The following ZC3H7A variants were observed in gnomAD, a reference collection of about 807,000 sequenced individuals.
ZC3H7A encodes zinc finger CCCH domain-containing protein 7A.
In ZC3H7A, 44 loss-of-function variants were observed where a neutral mutation model predicts 125.5. The observed-to-expected ratio is 0.35, with a 90% CI of 0.28 to 0.45. The LOEUF is 0.45. Among genes scored for constraint, ZC3H7A ranks in the 20% least tolerant of loss-of-function variants. ZC3H7A has a pLI of 1.00. For missense variants in ZC3H7A, 977 were observed against 1,170.7 expected, an observed-to-expected ratio of 0.83 and a Z score of 2.41; for synonymous variants, 399 against 391.2, an observed-to-expected ratio of 1.02 and a Z score of -0.23.
Position 11,758,440 on chromosome 16 carries a change from C to G in ZC3H7A, c.2419G>C (p.Glu807Gln). The G allele has an allele frequency of 1.2e-6, 2 of 1,611,700 alleles. No homozygotes were observed. The highest frequency in any genetic ancestry group is 1.7e-6 in the Non-Finnish European group (2 of 1,177,828). The change falls in exon 20 of 23, where the codon GAG becomes CAG. Residue 807 changes from glutamate to glutamine, a missense_variant. Around this residue, in one of 3 missense-constraint regions of ZC3H7A, gnomAD observed 436 missense variants for 603.2 expected, o/e 0.72. Coordinates refer to ENST00000355758, the MANE Select transcript of ZC3H7A (RefSeq NM_014153.4). Reference protein sequence around the residue: ...EEREVWTYMKENGIQDMEQFY... With the variant: ...EEREVWTYMKQNGIQDMEQFY... ...TAAAAGATTAACTTACTCCCATTCT[C>G]CTTCATGTAAGTCCAAACTTCTCTT...
intron 20 of ZC3H7A, among the ~76,000 whole-genome samples, chr16:11,757,439 A>C (rs1567373016): frequency 7.0e-6 from 1 of 142,072 alleles, no homozygotes; most frequent in African/African-American, 2.7e-5. Flanking sequence ...ACCCGAGATC[A>C]CGCCACTGCA....
intron 1 of ZC3H7A, among the ~76,000 whole-genome samples, chr16:11,783,792 A>G (rs1025030176): frequency 6.6e-6 from 1 of 152,024 alleles, no homozygotes; most frequent in African/African-American, 2.4e-5. Context: ...CATTTTTTTC[A>G]AAGTATAAGG....
rs939492519 is a variant in ZC3H7A at position 11,765,815 on chromosome 16, C to T, written c.1523-130G>A. 4.4e-6 allele frequency: 3 copies of T among 675,578 alleles called. No homozygotes were observed. In the African/African-American group the frequency reaches 5.5e-5, roughly 12 times the overall value. 41.8% of individuals were successfully genotyped at this position (675,578 alleles called of 1,614,324 possible). Reference sequence around the variant, plus strand: ...AAGGCTGCGGTGAGCAATGATCTTGCCACTGCACTCCAGCCTGGGCAACAG... The same window carrying T: ...AAGGCTGCGGTGAGCAATGATCTTGTCACTGCACTCCAGCCTGGGCAACAG... On this transcript the variant is annotated intron_variant, in intron 13 of 22. Coordinates refer to ENST00000355758, the MANE Select transcript of ZC3H7A (RefSeq NM_014153.4). The surrounding 1 kb of genome is among the most constrained non-coding windows in gnomAD (Gnocchi z 4.8).
At chr16:11,789,386 C>T (rs1043717990) in intron 1 of ZC3H7A, among the ~76,000 whole-genome samples, 5 of 152,048 alleles carry the variant, frequency 3.3e-5, no homozygotes, top group Non-Finnish European at 5.9e-5. Flanking sequence ...TCCCAAGTAG[C>T]TGGGATTACA....
chr16:11,776,775 T>C lies in ZC3H7A; in HGVS notation c.441A>G (p.Ala147=). The change falls in exon 5 of 23, where the codon GCA becomes GCG. Residue 147 remains alanine (A), a synonymous_variant. Transcript: ENST00000355758. ...GRYKKAYDAV[A]KCSLAVPQDE... Reference sequence around the variant, plus strand: ...CCTGAGGCACTGCTAAGGAGCACTTTGCTACAGCATCGTAAGCCTTTTTGT... The same window carrying C: ...CCTGAGGCACTGCTAAGGAGCACTTCGCTACAGCATCGTAAGCCTTTTTGT... 6.2e-7 allele frequency: 1 copy of C among 1,611,868 alleles called. No homozygotes were observed.
At chr16:11,772,022 G>A (rs930231727) in intron 9 of ZC3H7A, among the ~76,000 whole-genome samples, 33 of 151,656 alleles carry the variant, frequency 2.2e-4, no homozygotes, top group South Asian at 2.1e-4. Flanking sequence ...GTGAAACCCC[G>A]TCTCTACTAA....
intron 15 of ZC3H7A, among the ~76,000 whole-genome samples, chr16:11,764,645 C>A (rs1023283204): frequency 6.6e-6 from 1 of 152,082 alleles, no homozygotes; most frequent in Non-Finnish European, 1.5e-5. Context: ...TCACTTGAAT[C>A]TGGGAGGCAG....
chr16:11,787,884 T>G (rs1293036689), intron 1 of ZC3H7A, among the ~76,000 whole-genome samples: 2 of 151,476 alleles, frequency 1.3e-5, no homozygotes, highest in Non-Finnish European at 2.9e-5. Flanking sequence ...AGGCAGAGGT[T>G]GCACTGAGCC....
chr16:11,776,984 A>C, intron 4 of ZC3H7A, 75 bp from the exon 5 acceptor site: 1 of 1,291,410 alleles, frequency 7.7e-7, no homozygotes, highest in East Asian at 2.6e-5. Context: ...CCTGTAATAA[A>C]AACAAATTAA....
At chr16:11,757,718 G>A (rs141959588) in intron 20 of ZC3H7A, among the ~76,000 whole-genome samples, 14 of 152,208 alleles carry the variant, frequency 9.2e-5, no homozygotes, top group South Asian at 2.1e-4. Flanking sequence ...CAGTCAGGCC[G>A]GACTACATAG....
intron 1 of ZC3H7A, among the ~76,000 whole-genome samples, chr16:11,787,865 G>C (rs1002088697): frequency 6.6e-6 from 1 of 151,750 alleles, no homozygotes; most frequent in Admixed American, 6.6e-5. Flanking sequence ...AGAATCGTTT[G>C]AACCCAGGAG....
Position 11,762,732 on chromosome 16 carries a change from G to A in ZC3H7A, c.2018C>T (p.Ala673Val). 6.2e-7 allele frequency: 1 copy of A among 1,613,806 alleles called. No individual in the cohort carries two copies. Residue 673 changes from alanine to valine, a missense_variant, in exon 17 of 23, where the codon GCT (alanine) becomes GTT (valine). Physicochemically the swap from Ala to Val is moderately conservative, Grantham distance 64 (BLOSUM62 0). Transcript: ENST00000355758. ...ATATCGTTTAGACTCTTGAGCAATA[G>A]CATCATGTGAGATACCTGGGGAATG... is the stretch of plus-strand genomic sequence containing the variant. ...MQNETGISHD[A>V]IAQESKRYWQ...
intron 4 of ZC3H7A, among the ~76,000 whole-genome samples, chr16:11,777,305 A>C (rs1415258239): frequency 6.6e-6 from 1 of 152,236 alleles, no homozygotes; most frequent in Non-Finnish European, 1.5e-5. Context: ...ACTGATAAGG[A>C]ATATATTACC....
At position 11,765,773 on chromosome 16, in the gene ZC3H7A, C is replaced by T. The variant is rs571506613; in HGVS notation, c.1523-88G>A. 2.1e-4 allele frequency: 283 copies of T among 1,365,944 alleles called. 2 individuals carry two copies. The South Asian group carries it at 3.8e-3, about 19-fold the overall frequency. The allele number at this position is 1,365,944 out of a possible 1,614,324, so 84.6% of individuals were successfully genotyped here. On this transcript the variant is annotated intron_variant, in intron 13 of 22. Coordinates refer to ENST00000355758, the MANE Select transcript of ZC3H7A (RefSeq NM_014153.4). This position sits in a 1 kb window ranked among gnomAD's most constrained non-coding sequence, Gnocchi z 4.8. ...TTGGGAGGCTGAGGTGGGAGGATCCCTTGAGCCCAGGAGTTCAAGGCTGCG... is the reference window on the plus strand; with the variant it reads ...TTGGGAGGCTGAGGTGGGAGGATCCTTTGAGCCCAGGAGTTCAAGGCTGCG...
chr16:11,762,146 T>C, intron 17 of ZC3H7A, 103 bp from the exon 18 acceptor site: 4 of 1,190,450 alleles, frequency 3.4e-6, no homozygotes, highest in Non-Finnish European at 4.5e-6. Context: ...TAGTATACAA[T>C]TTCCCATTTT....
At position 11,795,701 on chromosome 16, in the gene ZC3H7A, T is replaced by C. The variant is rs1278698248; in HGVS notation, c.-35+1423A>G. The stretch of plus-strand genomic sequence containing the variant: ...ATCCACACACCTCGGCCTCCCAAAG[T>C]GCTGGGATTACAGACGTTGAGCCAC... On this transcript the variant is annotated intron_variant, in intron 1 of 22. Transcript: ENST00000355758. 3.9e-5 allele frequency among the ~76,000 whole-genome samples: 6 copies of C among 152,162 alleles called. 1 individual carries two copies. In the East Asian group the frequency reaches 7.7e-4, roughly 20 times the overall value.
At chr16:11,763,808 TC>T (rs1431542405) in intron 15 of ZC3H7A, 149 bp from the exon 16 acceptor site, 3 of 216,762 alleles carry the variant, frequency 1.4e-5, no homozygotes, top group African/African-American at 9.9e-5. Flanking sequence ...TTTTTTTTTC[TC>T]TTTTTTTTTT....
intron 8 of ZC3H7A, 53 bp from the exon 9 acceptor site, chr16:11,774,572 A>C (rs2053048027): frequency 6.8e-7 from 1 of 1,461,946 alleles, no homozygotes; most frequent in African/African-American, 1.4e-5. Context: ...TTACATAATA[A>C]TACCATTAAT....
At position 11,774,306 on chromosome 16, in the gene ZC3H7A, C is replaced by T; in HGVS notation, c.833G>A (p.Gly278Glu). ...FTMPEAFLDD[G>E]DMVLGDELDD... is the part of the protein sequence containing the mutation. ...TAGTTCATCTCCAAGGACCATATCT[C>T]CATCATCTAGAAAAGCTTCTGGCAT... Residue 278 changes from glycine to glutamate, a missense_variant, in exon 9 of 23, where the codon GGA becomes GAA. Around this residue, in one of 3 missense-constraint regions of ZC3H7A, gnomAD observed 342 missense variants for 311.3 expected, o/e 1.10. Transcript: ENST00000355758. 1 of 1,613,952 alleles carries T rather than the reference C, an allele frequency of 6.2e-7. No homozygotes were observed. Among genetic ancestry groups the T allele is most frequent in the Non-Finnish European group, 8.5e-7 (1 of 1,179,896 alleles).
Sources: gnomAD v4.1 joint callset for allele counts (sites outside exome capture counted in the v4.1 genomes callset) on GRCh38, gnomAD v4.1.1 for gene constraint, gnomAD v4.1.1 regional missense constraint, Gnocchi (gnomAD v3.1) non-coding constraint, MANE v1.5 for transcripts, NCBI Gene and HGNC (gene_info 2026-07-23, HGNC 2026-07-21) for gene names.